Variants in RORA observed in about 807,000 individuals in gnomAD.
RORA encodes the protein nuclear receptor ROR-alpha.
In RORA, 7 loss-of-function variants were observed where a neutral mutation model predicts 69.5. That is an observed-to-expected ratio of 0.10 (90% CI 0.06 to 0.19). RORA has a LOEUF of 0.19. RORA is among the 10% of genes least tolerant of loss of function. The pLI is 1.00. For synonymous variants in RORA, 261 were observed against 240.8 expected (o/e 1.08, Z -0.78); for missense variants, 457 against 663.0 (o/e 0.69, Z 3.41).
chr15:60,884,667 T>C (rs1315785091), intron 1 of RORA, among the ~76,000 whole-genome samples: 2 of 152,192 alleles, frequency 1.3e-5, no homozygotes, highest in African/African-American at 4.8e-5. Flanking sequence ...AGTTAGCAGT[T>C]ACTGAAGTGG....
intron 1 of RORA, among the ~76,000 whole-genome samples, chr15:61,227,809 G>C (rs2080161767): frequency 6.6e-6 from 1 of 152,200 alleles, no homozygotes; most frequent in South Asian, 2.1e-4. Context: ...GCGCGAGCAC[G>C]CTTCCTCCGG....
In RORA at chr15:61,229,120, C is replaced by T. The variant is rs2080176867; in HGVS notation, c.99G>A (p.Gln33=). 5 of 1,541,776 alleles carry T rather than the reference C, an allele frequency of 3.2e-6. No homozygotes were observed. Among genetic ancestry groups the T allele is most frequent in the Non-Finnish European group, 8.7e-7 (1 of 1,144,420 alleles). ...AAGSRETPLN[Q]ESARKSEPPA... ...GCGGCTCGCTCTTGCGGGCGGATTC[C>T]TGGTTCAGCGGGGTCTCCCTGGAGC... Residue 33 remains glutamine (Q), a synonymous_variant, in exon 1 of 11, where the codon CAG becomes CAA. Transcript: ENST00000335670.
chr15:60,677,552 C>T (rs758277146), intron 2 of RORA, among the ~76,000 whole-genome samples: 3 of 151,416 alleles, frequency 2.0e-5, no homozygotes, highest in Non-Finnish European at 2.9e-5. Flanking sequence ...GGCAACTTCT[C>T]ATCCAATTTG....
chr15:60,998,994 CA>C (rs1448910220), intron 1 of RORA, among the ~76,000 whole-genome samples: 2 of 151,946 alleles, frequency 1.3e-5, no homozygotes, highest in African/African-American at 4.8e-5. Context: ...GAGTGGTTGC[CA>C]GGGGGAGAGG....
At chr15:61,120,618 G>A (rs578205902) in intron 1 of RORA, among the ~76,000 whole-genome samples, 9 of 147,670 alleles carry the variant, frequency 6.1e-5, no homozygotes, top group South Asian at 2.2e-4. Context: ...GGAGAACGGC[G>A]TTAACCCGGG....
intron 1 of RORA, among the ~76,000 whole-genome samples, chr15:61,195,464 C>T (rs745527662): frequency 2.0e-5 from 3 of 151,770 alleles, no homozygotes; most frequent in Non-Finnish European, 2.9e-5. Context: ...AGAGGGGTTC[C>T]GATCTACAGT....
chr15:61,217,255 C>T (rs1389366353), intron 1 of RORA, among the ~76,000 whole-genome samples: 2 of 152,164 alleles, frequency 1.3e-5, no homozygotes, highest in African/African-American at 2.4e-5. Flanking sequence ...AGACTAGGCT[C>T]ATACCTGGAA....
chr15:60,915,129 C>G (rs1280853253), intron 1 of RORA, among the ~76,000 whole-genome samples: 2 of 152,206 alleles, frequency 1.3e-5, no homozygotes, highest in Non-Finnish European at 2.9e-5. Context: ...TCAGCTTTTT[C>G]CAGCCCAATA....
rs1444365347 is a variant in RORA, at chr15:60,650,796, A to G, written c.196+27861T>C. The G allele has an allele frequency of 2.0e-5, 3 of 152,220 alleles. No homozygotes were observed. In the East Asian group the frequency reaches 5.8e-4, roughly 29 times the overall value. 9.4% of individuals were successfully genotyped at this position (152,220 alleles called of 1,614,324 possible). On this transcript the variant is annotated intron_variant, in intron 2 of 10. Coordinates refer to ENST00000335670, the MANE Select transcript of RORA (RefSeq NM_134261.3). ...GGAACTATGCCAACCCTTTGCAAACAATATTTTTGTTTTATAAATCTATTT... is the reference window on the plus strand; with the variant it reads ...GGAACTATGCCAACCCTTTGCAAACGATATTTTTGTTTTATAAATCTATTT...
chr15:60,951,459 C>T (rs375380683), intron 1 of RORA, among the ~76,000 whole-genome samples: 12 of 150,954 alleles, frequency 7.9e-5, no homozygotes, highest in South Asian at 4.2e-4. Flanking sequence ...CTGAAGGAAA[C>T]AGAGACACAA....
intron 1 of RORA, among the ~76,000 whole-genome samples, chr15:60,794,080 G>A (rs1197937272): frequency 6.6e-6 from 1 of 152,176 alleles, no homozygotes; most frequent in Non-Finnish European, 1.5e-5. Flanking sequence ...TGAGTGCCGT[G>A]TGTTCAACTG....
intron 1 of RORA, among the ~76,000 whole-genome samples, chr15:61,003,232 C>T (rs1407073969): frequency 1.3e-5 from 2 of 151,994 alleles, no homozygotes; most frequent in Non-Finnish European, 2.9e-5. Context: ...ATATAGTATG[C>T]AGTTTAAAAC....
chr15:61,211,711 C>T (rs2079993388), intron 1 of RORA, among the ~76,000 whole-genome samples: 1 of 152,200 alleles, frequency 6.6e-6, no homozygotes, highest in South Asian at 2.1e-4. Flanking sequence ...CAGGGCAGAG[C>T]CCCCTCCCGC....
chr15:60,576,699 C>T (rs1273045162), intron 2 of RORA, among the ~76,000 whole-genome samples: 2 of 152,202 alleles, frequency 1.3e-5, no homozygotes, highest in Non-Finnish European at 2.9e-5. Flanking sequence ...AGAACTCTTC[C>T]CCCTTGGAGA....
At chr15:60,971,209 C>A (rs1893703558) in intron 1 of RORA, among the ~76,000 whole-genome samples, 1 of 152,220 alleles carries the variant, frequency 6.6e-6, no homozygotes, top group Admixed American at 6.5e-5. Context: ...GACACTTTTA[C>A]AGAAGCCGCC....
At chr15:60,777,856 C>T (rs1355026829) in intron 1 of RORA, among the ~76,000 whole-genome samples, 1 of 152,152 alleles carries the variant, frequency 6.6e-6, no homozygotes, top group African/African-American at 2.4e-5. Flanking sequence ...TGTGCAAATA[C>T]TATTTCAAAT....
intron 1 of RORA, among the ~76,000 whole-genome samples, chr15:60,820,883 G>T (rs1426537592): frequency 1.3e-5 from 2 of 152,198 alleles, no homozygotes; most frequent in African/African-American, 2.4e-5. Flanking sequence ...TTAAAATGCA[G>T]ATTCCAAAGT....
chr15:60,538,319 C>T (rs764299076), intron 2 of RORA, among the ~76,000 whole-genome samples: 2 of 152,168 alleles, frequency 1.3e-5, no homozygotes, highest in Admixed American at 1.3e-4. Flanking sequence ...AATTCACTTA[C>T]ACCTCCACTT....
intron 1 of RORA, among the ~76,000 whole-genome samples, chr15:61,058,079 C>T (rs2078120390): frequency 6.6e-6 from 1 of 151,938 alleles, no homozygotes; most frequent in Non-Finnish European, 1.5e-5. Flanking sequence ...GGGGAGGCCT[C>T]CTGAAAGAGG....
Sources: gnomAD v4.1 joint callset for allele counts (sites outside exome capture counted in the v4.1 genomes callset) on GRCh38, gnomAD v4.1.1 for gene constraint, MANE v1.5 for transcripts, NCBI Gene and HGNC (gene_info 2026-07-23, HGNC 2026-07-21) for gene names.